The following SMG9 variants were observed in gnomAD, a reference collection of about 807,000 sequenced individuals.
SMG9 encodes the protein SMG9 nonsense mediated mRNA decay factor.
SMG9 carries 55 observed loss-of-function variants against 64.0 expected under a neutral mutation model. The observed-to-expected ratio is 0.86, with a 90% CI of 0.69 to 1.08. The LOEUF (loss-of-function observed/expected upper bound fraction) is 1.08, where lower values mean the gene tolerates loss of function less well. Ranked by LOEUF, SMG9 falls within the 50% of genes least tolerant of loss-of-function variation. The pLI, the probability that SMG9 is intolerant of heterozygous loss-of-function variation, is 0.00. For synonymous variants in SMG9, 244 were observed against 254.8 expected (o/e 0.96, Z 0.41); for missense variants, 554 against 681.3 (o/e 0.81, Z 2.08).
intron 9 of SMG9, among the ~76,000 whole-genome samples, chr19:43,735,861 G>A (rs1005171884): frequency 6.6e-6 from 1 of 152,160 alleles, no homozygotes; most frequent in Admixed American, 6.5e-5. Context: ...ACAAGGCTCT[G>A]CCATGTGCCG....
Position 43,753,630 on chromosome 19 carries a change from T to C in SMG9, c.-7+1024A>G, listed in dbSNP as rs145184223. On this transcript the variant is annotated intron_variant, in intron 1 of 13. Coordinates refer to ENST00000270066, the MANE Select transcript of SMG9 (RefSeq NM_019108.4). ...TGCATACCACCAGGCCGGGCTAAGTTTTGCATTTTCAGTAGAGACGGGGTT... is the reference window on the plus strand; with the variant it reads ...TGCATACCACCAGGCCGGGCTAAGTCTTGCATTTTCAGTAGAGACGGGGTT... Among the ~76,000 whole-genome samples the C allele has an allele frequency of 2.0e-5, 3 of 151,880 alleles. No individual in the cohort carries two copies. In the East Asian group the frequency reaches 5.8e-4, roughly 29 times the overall value.
intron 9 of SMG9, chr19:43,734,723 T>G: frequency 2.3e-6 from 1 of 429,580 alleles, no homozygotes. Context: ...CTGTATTTTT[T>G]TTTTAAAGGC....
intron 9 of SMG9, among the ~76,000 whole-genome samples, chr19:43,736,419 C>T (rs985598812): frequency 2.0e-5 from 3 of 151,836 alleles, no homozygotes; most frequent in African/African-American, 7.3e-5. Context: ...CCCCCCAACA[C>T]CTCCCAGCGG....
chr19:43,739,882 C>T, intron 7 of SMG9: 1 of 558,282 alleles, frequency 1.8e-6, no homozygotes, highest in South Asian at 2.0e-5. Context: ...CAGCACTATA[C>T]TAGAAATCCT....
rs562869244 is a variant in SMG9, at chr19:43,737,310, C to T, written c.995+287G>A. Among the ~76,000 whole-genome samples, 21 of 151,828 alleles carry T rather than the reference C, an allele frequency of 1.4e-4. No homozygotes were observed. The South Asian group carries it at 2.7e-3, about 20-fold the overall frequency. On this transcript the variant is annotated intron_variant, in intron 9 of 13. Transcript: ENST00000270066. Reference sequence around the variant, plus strand: ...AATAAATAAATAAAAATAAAGGGAGCGAGGGGAGGCAGTGAGAGAAGTCAG... The same window carrying T: ...AATAAATAAATAAAAATAAAGGGAGTGAGGGGAGGCAGTGAGAGAAGTCAG...
Position 43,731,303 on chromosome 19 carries a change from C to A in SMG9, c.*293G>T. 5 of 1,197,046 alleles carry A rather than the reference C, an allele frequency of 4.2e-6. No individual in the cohort carries two copies. Among genetic ancestry groups the A allele is most frequent in the Non-Finnish European group, 5.2e-6 (5 of 960,766 alleles). 74.2% of individuals were successfully genotyped at this position (1,197,046 alleles called of 1,614,324 possible). ...AAAGGAGGTCAAGATGGAGCCCGGG[C>A]TTCCTGGTGACCATTCAGACTCCTC... is the stretch of plus-strand genomic sequence containing the variant. On this transcript the variant is annotated 3_prime_UTR_variant, in exon 14 of 14. Coordinates refer to ENST00000270066, the MANE Select transcript of SMG9 (RefSeq NM_019108.4).
At chr19:43,752,902 T>TAAAAAAAAAAAA (rs775445159) in intron 1 of SMG9, among the ~76,000 whole-genome samples, 33 of 96,272 alleles carry the variant, frequency 3.4e-4, no homozygotes, top group Middle Eastern at 5.1e-3. Context: ...AGACCCTGTC[T>TAAAAAAAAAAAA]AAAAAAAAAA....
At chr19:43,748,633 G>C (rs760066816) in intron 2 of SMG9, 9 of 519,632 alleles carry the variant, frequency 1.7e-5, no homozygotes, top group Non-Finnish European at 1.5e-5. Context: ...TGGCAAAGCT[G>C]GCAGGCTGAT....
chr19:43,737,570 C>A (rs942890788), intron 9 of SMG9, 27 bp downstream of exon 9: 3 of 1,601,180 alleles, frequency 1.9e-6, no homozygotes, highest in Non-Finnish European at 1.7e-6. Flanking sequence ...TTCCTCCTCC[C>A]CACCCTCCAA....
intron 6 of SMG9, among the ~76,000 whole-genome samples, chr19:43,740,954 T>C (rs1208612886): frequency 1.3e-5 from 2 of 152,174 alleles, no homozygotes; most frequent in East Asian, 3.9e-4. Context: ...ATCAGGGTAA[T>C]AGTACCTACC....
At chr19:43,753,651 G>C (rs895562012) in intron 1 of SMG9, among the ~76,000 whole-genome samples, 32 of 151,866 alleles carry the variant, frequency 2.1e-4, no homozygotes, top group African/African-American at 7.3e-4. Flanking sequence ...AGTAGAGACG[G>C]GGTTTCGCCA....
At chr19:43,732,656 G>A in intron 13 of SMG9, 1 of 630,340 alleles carries the variant, frequency 1.6e-6, no homozygotes, top group East Asian at 2.9e-5. Context: ...CTGATTAGGA[G>A]GATTCAAAGT....
Position 43,750,828 on chromosome 19 carries a change from C to T in SMG9, c.-6-81G>A, listed in dbSNP as rs551968068. On this transcript the variant is annotated intron_variant, in intron 1 of 13. Coordinates refer to ENST00000270066, the MANE Select transcript of SMG9 (RefSeq NM_019108.4). ...GCATATCCTAGACTATACGAAGTCC[C>T]TTCTTTCTTTTTTTTGGAGATGGAG... The T allele has an allele frequency of 3.3e-5, 43 of 1,303,180 alleles. No individual in the cohort carries two copies. In the African/African-American group the frequency reaches 5.7e-4, roughly 17 times the overall value. 80.7% of individuals were successfully genotyped at this position (1,303,180 alleles called of 1,614,324 possible). A position where few individuals can be genotyped will look rare whatever the true frequency, so the allele number is the denominator to read the frequency against.
intron 1 of SMG9, among the ~76,000 whole-genome samples, chr19:43,751,589 G>A (rs1241995067): frequency 1.3e-5 from 2 of 152,234 alleles, no homozygotes; most frequent in African/African-American, 4.8e-5. Context: ...CTTGTTTGCA[G>A]TTAGGTGTGG....
chr19:43,737,786 C>G (rs1968720782), intron 8 of SMG9, 104 bp from the exon 9 acceptor site: 9 of 1,113,860 alleles, frequency 8.1e-6, no homozygotes, highest in Admixed American at 4.3e-5. Flanking sequence ...AGGCAAGGAG[C>G]CTTCAAGCAG....
chr19:43,746,321 T>A (rs1969002342), intron 5 of SMG9, among the ~76,000 whole-genome samples: 1 of 152,254 alleles, frequency 6.6e-6, no homozygotes. Context: ...TTAAAAATTC[T>A]GTTTGGTTGT....
intron 7 of SMG9, 76 bp downstream of exon 7, chr19:43,740,030 TC>T (rs1376033946): frequency 9.6e-6 from 10 of 1,039,882 alleles, no homozygotes; most frequent in Admixed American, 1.7e-5. Flanking sequence ...CACGCAGGGT[TC>T]TGGCTTAATC....
Position 43,748,011 on chromosome 19 carries a change from G to GGTTTTGAGAGGATGATGGGT in SMG9, c.191_192insACCCATCATCCTCTCAAAAC (p.Ala73SerfsTer36). 1.2e-6 allele frequency: 2 copies of GGTTTTGAGAGGATGATGGGT among 1,613,656 alleles called. No individual in the cohort carries two copies. The highest frequency in any genetic ancestry group is 1.7e-6 in the Non-Finnish European group (2 of 1,179,802). On this transcript the variant is annotated frameshift_variant, in exon 3 of 14. Coordinates refer to ENST00000270066, the MANE Select transcript of SMG9 (RefSeq NM_019108.4). LOFTEE classifies it high-confidence loss of function. ...CTGGAGGTTTTGAGAGGATGATGGG[G>GGTTTTGAGAGGATGATGGGT]GTTTTCTGCATGACGGAAGTGCTTG... is the stretch of plus-strand genomic sequence containing the variant.
intron 8 of SMG9, 56 bp from the exon 9 acceptor site, chr19:43,737,738 G>A: frequency 2.6e-6 from 4 of 1,561,668 alleles, no homozygotes; most frequent in Non-Finnish European, 3.5e-6. Flanking sequence ...AGACTAATCA[G>A]GAGTCCCTGA....
Sources: allele counts gnomAD v4.1 joint callset (sites outside exome capture counted in the v4.1 genomes callset), GRCh38; gene constraint gnomAD v4.1.1; transcripts MANE v1.5; gene names NCBI Gene and HGNC (gene_info 2026-07-23, HGNC 2026-07-21).